SUCLG2: variants seen among roughly 807,000 people sequenced by gnomAD.
SUCLG2 encodes the protein succinate--CoA ligase [GDP-forming] subunit beta, mitochondrial.
SUCLG2 carries 42 observed loss-of-function variants against 47.9 expected under a neutral mutation model. That is an observed-to-expected ratio of 0.88 (90% CI 0.69 to 1.14). The LOEUF (loss-of-function observed/expected upper bound fraction) is 1.14. Ranked by LOEUF, SUCLG2 falls within the 50% of genes most tolerant of loss-of-function variation. The probability of loss-of-function intolerance (pLI) is 0.00; values close to 1 mark genes in which losing one functional copy is unlikely to be tolerated. For missense variants in SUCLG2, 571 were observed against 525.9 expected, an observed-to-expected ratio of 1.09 and a Z score of -0.84; for synonymous variants, 195 against 197.3, an observed-to-expected ratio of 0.99 and a Z score of 0.10.
intron 1 of SUCLG2, among the ~76,000 whole-genome samples, chr3:67,629,905 A>G (rs985863853): frequency 2.0e-5 from 3 of 152,142 alleles, no homozygotes; most frequent in African/African-American, 7.2e-5. Context: ...TCATTATACC[A>G]CACATTACAT....
chr3:67,569,035 G>C (rs1397935204), intron 2 of SUCLG2, among the ~76,000 whole-genome samples: 3 of 152,152 alleles, frequency 2.0e-5, no homozygotes, highest in Admixed American at 6.5e-5. Context: ...ATTTAGGAAC[G>C]ATGATTGTAC....
At chr3:67,558,331 CAAA>C (rs35100169) in intron 2 of SUCLG2, among the ~76,000 whole-genome samples, 44 of 114,868 alleles carry the variant, frequency 3.8e-4, no homozygotes, top group African/African-American at 5.7e-4. Context: ...TCTTTGACAC[CAAA>C]AAAAAAAAAA....
chr3:67,417,045 C>G (rs1198623784), intron 9 of SUCLG2, among the ~76,000 whole-genome samples: 1 of 151,618 alleles, frequency 6.6e-6, no homozygotes, highest in South Asian at 2.1e-4. Context: ...TTTTGATTCT[C>G]TGAAAAGAAA....
At position 67,501,936 on chromosome 3, in the gene SUCLG2, T is replaced by C. The variant is rs1467171595; in HGVS notation, c.758-3641A>G. Among the ~76,000 whole-genome samples, 4 of 152,298 alleles carry C rather than the reference T, an allele frequency of 2.6e-5. No individual in the cohort carries two copies. The South Asian group carries it at 6.2e-4, about 24-fold the overall frequency. On this transcript the variant is annotated intron_variant, in intron 7 of 10. Coordinates refer to ENST00000307227, the MANE Select transcript of SUCLG2 (RefSeq NM_003848.4). ...ATAAAAAATAAAATAACCTTTATAA[T>C]AAATCAGCAGTAGTAAGTAAAGTGC...
chr3:67,375,997 A>T (rs1702028764), intron 10 of SUCLG2, 138 bp from the exon 11 acceptor site: 1 of 1,388,892 alleles, frequency 7.2e-7, no homozygotes, highest in Non-Finnish European at 9.4e-7. Context: ...CATCAAGGTC[A>T]CTGACAGAAA....
intron 9 of SUCLG2, 92 bp downstream of exon 9, chr3:67,495,706 G>T: frequency 3.1e-5 from 41 of 1,316,894 alleles, no homozygotes; most frequent in Non-Finnish European, 4.1e-5. Context: ...TACACATATT[G>T]ACTTATCAAC....
At chr3:67,521,852 T>A (rs1326729182) in intron 4 of SUCLG2, among the ~76,000 whole-genome samples, 1 of 151,906 alleles carries the variant, frequency 6.6e-6, no homozygotes, top group African/African-American at 2.4e-5. Context: ...ACTGCTGACT[T>A]CAAGTATCTA....
rs1251345307 is a variant in SUCLG2 at position 67,654,521 on chromosome 3, G to A, written c.66C>T (p.Phe22=). ...LLRALALRPR[F]LAAGSQAVQL... ...CGCTCACCTGGGACCCGGCCGCCAG[G>A]AAGCGGGGCCGCAGCGCTAGGGCTC... The change falls in exon 1 of 11, where the codon TTC becomes TTT. Residue 22 remains phenylalanine, a synonymous_variant. Coordinates refer to ENST00000307227, the MANE Select transcript of SUCLG2 (RefSeq NM_003848.4). 27 of 1,249,614 alleles carry A rather than the reference G, an allele frequency of 2.2e-5. No individual in the cohort carries two copies. The highest frequency in any genetic ancestry group is 2.6e-5 in the Non-Finnish European group (26 of 995,398). 77.4% of individuals were successfully genotyped at this position (1,249,614 alleles called of 1,614,324 possible).
At chr3:67,495,634 G>A (rs13322044) in intron 9 of SUCLG2, among the ~76,000 whole-genome samples, 164 bp downstream of exon 9, 2,199 of 146,546 alleles carry the variant, frequency 0.015, 54 homozygotes, top group African/African-American at 0.053. Flanking sequence ...CCTGGGCAAC[G>A]GAGTAAGACT....
chr3:67,622,351 A>C (rs1178818772), intron 1 of SUCLG2, among the ~76,000 whole-genome samples: 3 of 152,240 alleles, frequency 2.0e-5, no homozygotes, highest in Admixed American at 6.5e-5. Context: ...TAGATATATC[A>C]AAACCATTTG....
rs1262948415 is a variant in SUCLG2 at position 67,443,344 on chromosome 3, G to A, written c.1063-42493C>T. ...GAGCTGTCTCAGTCTTTGCCGCCGCGCCGGCGAGCGCCCCTCGGGAGGCAG... is the reference window on the plus strand; with the variant it reads ...GAGCTGTCTCAGTCTTTGCCGCCGCACCGGCGAGCGCCCCTCGGGAGGCAG... On this transcript the variant is annotated intron_variant, in intron 9 of 10. Coordinates refer to ENST00000307227, the MANE Select transcript of SUCLG2 (RefSeq NM_003848.4). Among the ~76,000 whole-genome samples the A allele has an allele frequency of 4.1e-5, 2 of 49,116 alleles. 1 individual carries two copies. Among genetic ancestry groups the A allele is most frequent in the Non-Finnish European group, 9.7e-5 (2 of 20,624 alleles). The allele number at this position is 49,116 out of a possible 152,430, so 32.2% of individuals were successfully genotyped here.
intron 2 of SUCLG2, among the ~76,000 whole-genome samples, chr3:67,593,653 C>T (rs1708226657): frequency 1.3e-5 from 2 of 152,192 alleles, no homozygotes; most frequent in South Asian, 2.1e-4. Flanking sequence ...AATCTATTTA[C>T]CACAGGACAG....
chr3:67,419,063 G>A (rs920623955), intron 9 of SUCLG2, among the ~76,000 whole-genome samples: 1 of 152,028 alleles, frequency 6.6e-6, no homozygotes, highest in Non-Finnish European at 1.5e-5. Flanking sequence ...CAGGTTGCTT[G>A]CTTCCTGATA....
At chr3:67,470,998 C>T (rs1255311931) in intron 9 of SUCLG2, among the ~76,000 whole-genome samples, 4 of 151,954 alleles carry the variant, frequency 2.6e-5, no homozygotes, top group East Asian at 1.9e-4. Flanking sequence ...TGATGGGTTA[C>T]GCAAAAAGGG....
intron 6 of SUCLG2, among the ~76,000 whole-genome samples, chr3:67,512,810 A>G (rs1705831685): frequency 6.6e-6 from 1 of 150,418 alleles, no homozygotes; most frequent in Admixed American, 6.6e-5. Flanking sequence ...CTCTGGCAAC[A>G]TCATTCTACT....
chr3:67,478,430 C>A (rs74446084), intron 9 of SUCLG2, among the ~76,000 whole-genome samples: 2,236 of 152,296 alleles, frequency 0.015, 53 homozygotes, highest in African/African-American at 0.052. Context: ...CATTGAAGTG[C>A]AAGCTCTCAA....
intron 2 of SUCLG2, among the ~76,000 whole-genome samples, chr3:67,547,608 G>C (rs919656198): frequency 6.6e-6 from 1 of 152,144 alleles, no homozygotes; most frequent in African/African-American, 2.4e-5. Flanking sequence ...TGGGGAGGGG[G>C]CAGATCTTGC....
chr3:67,454,733 C>A (rs552899916), intron 9 of SUCLG2, among the ~76,000 whole-genome samples: 1 of 152,060 alleles, frequency 6.6e-6, no homozygotes, highest in African/African-American at 2.4e-5. Flanking sequence ...GAGGCCAAGG[C>A]GGGTGGATCA....
intron 10 of SUCLG2, among the ~76,000 whole-genome samples, chr3:67,384,245 G>T (rs1436753475): frequency 6.6e-6 from 1 of 152,156 alleles, no homozygotes; most frequent in African/African-American, 2.4e-5. Context: ...ACTCTCACGA[G>T]ACATTTCAGA....
Sources: allele counts gnomAD v4.1 joint callset (sites outside exome capture counted in the v4.1 genomes callset), GRCh38; gene constraint gnomAD v4.1.1; transcripts MANE v1.5; gene names NCBI Gene and HGNC (gene_info 2026-07-23, HGNC 2026-07-21).